SSTR3: variants seen among roughly 807,000 people sequenced by gnomAD.
The protein encoded by SSTR3 is somatostatin receptor type 3.
For missense variants in SSTR3, 504 were observed against 604.7 expected, an observed-to-expected ratio of 0.83 and a Z score of 1.75; for synonymous variants, 281 against 269.2, an observed-to-expected ratio of 1.04 and a Z score of -0.43.
At chr22:37,218,218 G>A in the SSTR3 span, among the ~76,000 whole-genome samples, 1 of 152,100 alleles carries the variant, frequency 6.6e-6, no homozygotes, top group African/African-American at 2.4e-5. Flanking sequence ...TATCATTAGA[G>A]CCTTCTTCAA....
At chr22:37,212,517 G>T (rs1283917647), upstream of SSTR3, among the ~76,000 whole-genome samples, 1 of 151,462 alleles carries the variant, frequency 6.6e-6, no homozygotes, top group Non-Finnish European at 1.5e-5. Context: ...AGGTGTGGGG[G>T]GTGGGGGCGG....
chr22:37,212,235 G>A lies in SSTR3; in HGVS notation c.-447C>T. ...AGAGAGAGAGAGAGAAAGAGGGAGG[G>A]GGAGAGAGAGAGAGGGAGAGGGAGA... is the stretch of plus-strand genomic sequence containing the variant. On this transcript the variant is annotated 5_prime_UTR_variant, in exon 1 of 2. Transcript: ENST00000610913. 1.4e-6 allele frequency: 1 copy of A among 714,988 alleles called. No individual in the cohort carries two copies. Among genetic ancestry groups the A allele is most frequent in the Non-Finnish European group, 1.7e-6 (1 of 583,042 alleles). 44.3% of individuals were successfully genotyped at this position (714,988 alleles called of 1,614,324 possible). A position where few individuals can be genotyped will look rare whatever the true frequency, so the allele number is the denominator to read the frequency against.
In SSTR3 at chr22:37,212,209, AAGAGAG is replaced by A; in HGVS notation, c.-427_-422del. On this transcript the variant is annotated 5_prime_UTR_variant, in exon 1 of 2. Transcript: ENST00000610913. The stretch of plus-strand genomic sequence containing the variant: ...AAAGGGGGTCGGGAGGAGGTGGAGA[AAGAGAG>A]AGAGAGAGAAAGAGGGAGGGGGAGA... The A allele has an allele frequency of 3.5e-6, 3 of 862,948 alleles. No homozygotes were observed. Among genetic ancestry groups the A allele is most frequent in the Non-Finnish European group, 4.2e-6 (3 of 720,066 alleles). The allele number at this position is 862,948 out of a possible 1,614,324, so 53.5% of individuals were successfully genotyped here.
At chr22:37,212,655 C>T (rs1237515114), upstream of SSTR3, among the ~76,000 whole-genome samples, 4 of 152,162 alleles carry the variant, frequency 2.6e-5, no homozygotes, top group Non-Finnish European at 2.9e-5. Context: ...AGAATGTGCT[C>T]AGTGCTCAGG....
the SSTR3 span, among the ~76,000 whole-genome samples, chr22:37,219,252 G>A: frequency 6.6e-6 from 1 of 152,158 alleles, no homozygotes; most frequent in African/African-American, 2.4e-5. Context: ...TGTGATCTGT[G>A]GATCAAGCCA....
At chr22:37,217,981 G>A in the SSTR3 span, among the ~76,000 whole-genome samples, 3 of 152,166 alleles carry the variant, frequency 2.0e-5, no homozygotes, top group African/African-American at 7.2e-5. Flanking sequence ...TGGGATTACA[G>A]GAATGAGCTA....
At chr22:37,209,235 A>G (rs1421373178) in intron 1 of SSTR3, among the ~76,000 whole-genome samples, 1 of 152,088 alleles carries the variant, frequency 6.6e-6, no homozygotes, top group Non-Finnish European at 1.5e-5. Flanking sequence ...AAGGGAAGGC[A>G]CCCCAAATCC....
chr22:37,212,540 G>A (rs1195050881), upstream of SSTR3, among the ~76,000 whole-genome samples: 4 of 151,840 alleles, frequency 2.6e-5, no homozygotes, highest in East Asian at 5.8e-4. Context: ...TGCAGGTTAA[G>A]GGAGGAGGCC....
rs1478519986 is a variant in SSTR3, at chr22:37,207,658, AG to A, written c.145del (p.Leu49TrpfsTer86). ...CACCACGCACACCACCAGGTAGACC[AG>A]GGGGATCAGAACGCCACTGACGGCC... ...GLAVSGVLIP[L>X]VYLVVCVVGL... On this transcript the variant is annotated frameshift_variant, in exon 2 of 2. Transcript: ENST00000610913. LOFTEE classifies it low-confidence loss of function (END_TRUNC). The A allele has an allele frequency of 5.0e-6, 8 of 1,586,844 alleles. No homozygotes were observed. Among genetic ancestry groups the A allele is most frequent in the African/African-American group, 1.3e-5 (1 of 74,428 alleles).
intron 1 of SSTR3, among the ~76,000 whole-genome samples, chr22:37,209,254 G>A (rs189206845): frequency 4.6e-5 from 7 of 152,194 alleles, no homozygotes; most frequent in Admixed American, 4.6e-4. Context: ...CCAAACAAAC[G>A]CCTCTGAGCA....
At chr22:37,207,865 C>A in intron 1 of SSTR3, 26 bp from the exon 2 acceptor site, 2 of 1,454,958 alleles carry the variant, frequency 1.4e-6, no homozygotes, top group South Asian at 3.0e-5. Flanking sequence ...ACAGCTCGGT[C>A]ACAGCAGAGA....
chr22:37,217,640 AC>A, the SSTR3 span, among the ~76,000 whole-genome samples: 5 of 151,882 alleles, frequency 3.3e-5, no homozygotes, highest in African/African-American at 1.2e-4. Flanking sequence ...TTTTAAATCA[AC>A]CTATTTTTCA....
chr22:37,214,187 G>A (rs1051054574), upstream of SSTR3, among the ~76,000 whole-genome samples: 1 of 152,172 alleles, frequency 6.6e-6, no homozygotes, highest in Non-Finnish European at 1.5e-5. Flanking sequence ...GCCACTGAAG[G>A]GGTTCAGGAC....
chr22:37,216,063 T>G (rs5756564), upstream of SSTR3, among the ~76,000 whole-genome samples: 2 of 152,054 alleles, frequency 1.3e-5, no homozygotes, highest in African/African-American at 4.8e-5. Context: ...TCTCTGTCTC[T>G]TTTTCTTTCA....
intron 1 of SSTR3, among the ~76,000 whole-genome samples, chr22:37,208,483 A>C (rs758651710): frequency 2.6e-5 from 4 of 152,184 alleles, no homozygotes; most frequent in East Asian, 3.9e-4. Context: ...CCTGCCCAGG[A>C]AGGTTGGCTG....
chr22:37,208,831 C>T (rs574252735), intron 1 of SSTR3, among the ~76,000 whole-genome samples: 132 of 152,302 alleles, frequency 8.7e-4, no homozygotes, highest in Non-Finnish European at 1.5e-3. Flanking sequence ...CCATCACTTC[C>T]GCACAGGCAC....
At chr22:37,218,759 G>T in the SSTR3 span, among the ~76,000 whole-genome samples, 1 of 152,032 alleles carries the variant, frequency 6.6e-6, no homozygotes, top group African/African-American at 2.4e-5. Flanking sequence ...CCTTGCTGGG[G>T]TTAGGGAGGG....
intron 1 of SSTR3, among the ~76,000 whole-genome samples, chr22:37,208,443 G>A (rs1925985470): frequency 6.6e-6 from 1 of 152,000 alleles, no homozygotes; most frequent in African/African-American, 2.4e-5. Flanking sequence ...CCCTCAGCCT[G>A]GGCCATCCCA....
At chr22:37,210,244 C>T (rs994326749) in intron 1 of SSTR3, among the ~76,000 whole-genome samples, 1 of 152,218 alleles carries the variant, frequency 6.6e-6, no homozygotes, top group African/African-American at 2.4e-5. Context: ...GGGACATATG[C>T]CCCTGGGGTA....
Sources: allele counts gnomAD v4.1 joint callset (sites outside exome capture counted in the v4.1 genomes callset), GRCh38; gene constraint gnomAD v4.1.1; transcripts MANE v1.5; gene names NCBI Gene and HGNC (gene_info 2026-07-23, HGNC 2026-07-21).